Variants in CPNE4 observed in about 807,000 individuals in gnomAD.
CPNE4 encodes the protein copine 4.
In CPNE4, 25 loss-of-function variants were observed where a neutral mutation model predicts 67.9. The ratio of observed to expected loss-of-function variants is 0.37; its 90% CI spans 0.27 to 0.51. CPNE4 has a LOEUF of 0.51. Ranked by LOEUF, CPNE4 falls within the 20% of genes least tolerant of loss-of-function variation. The pLI is 0.93. For synonymous variants in CPNE4, 242 were observed against 244.9 expected, an observed-to-expected ratio of 0.99 and a Z score of 0.11; for missense variants, 464 against 690.8, an observed-to-expected ratio of 0.67 and a Z score of 3.68.
chr3:131,596,844 G>A (rs555000774), intron 7 of CPNE4, among the ~76,000 whole-genome samples: 1 of 152,132 alleles, frequency 6.6e-6, no homozygotes, highest in South Asian at 2.1e-4. Context: ...TGCCTAGCCA[G>A]CCCCCAACAA....
At chr3:131,656,372 T>C (rs1026246180) in intron 7 of CPNE4, among the ~76,000 whole-genome samples, 1 of 152,196 alleles carries the variant, frequency 6.6e-6, no homozygotes, top group Non-Finnish European at 1.5e-5. Context: ...AACATTAACC[T>C]AATTAACCTA....
chr3:131,622,682 T>C (rs997474883), intron 7 of CPNE4, among the ~76,000 whole-genome samples: 11 of 152,174 alleles, frequency 7.2e-5, no homozygotes, highest in Admixed American at 7.2e-4. Flanking sequence ...GGCTTCTATG[T>C]ATATGCACAG....
chr3:131,747,802 G>T (rs1178713784), intron 2 of CPNE4, among the ~76,000 whole-genome samples: 1 of 152,062 alleles, frequency 6.6e-6, no homozygotes, highest in Non-Finnish European at 1.5e-5. Context: ...ATGTAAATAG[G>T]AACAGTTTTA....
At chr3:131,622,432 G>GT (rs1323245067) in intron 7 of CPNE4, among the ~76,000 whole-genome samples, 2 of 152,178 alleles carry the variant, frequency 1.3e-5, no homozygotes, top group Non-Finnish European at 2.9e-5. Flanking sequence ...AACATATTGT[G>GT]AATCCTATCC....
intron 1 of CPNE4, among the ~76,000 whole-genome samples, chr3:131,985,407 A>T (rs778602770): frequency 6.6e-6 from 1 of 152,298 alleles, no homozygotes; most frequent in East Asian, 1.9e-4. Context: ...ACTATGCATC[A>T]TGTTAGAAGC....
chr3:131,727,468 A>G (rs368344542), intron 2 of CPNE4, among the ~76,000 whole-genome samples: 29 of 132,556 alleles, frequency 2.2e-4, no homozygotes, highest in African/African-American at 6.0e-4. Flanking sequence ...CCGTCTCAAA[A>G]AAAAGAAAAA....
intron 2 of CPNE4, among the ~76,000 whole-genome samples, chr3:131,860,866 T>C (rs1470369219): frequency 6.6e-6 from 1 of 152,214 alleles, no homozygotes; most frequent in East Asian, 1.9e-4. Flanking sequence ...CATAAATACC[T>C]GATTTGTGAG....
At chr3:131,853,883 A>T (rs1345464511) in intron 2 of CPNE4, among the ~76,000 whole-genome samples, 1 of 151,900 alleles carries the variant, frequency 6.6e-6, no homozygotes, top group Non-Finnish European at 1.5e-5. Flanking sequence ...AAACACTGAC[A>T]ATATCAAATG....
At position 131,993,637 on chromosome 3, in the gene CPNE4, C is replaced by A. The variant is rs2073225179; in HGVS notation, c.-2+40930G>T. On this transcript the variant is annotated intron_variant, in intron 1 of 15. Transcript: ENST00000429747. ...AGATGAGCTCTAGAAAGTTTTCTAACCCACAGGAAAAATTCTCTTTTGCAC... is the reference window on the plus strand; with the variant it reads ...AGATGAGCTCTAGAAAGTTTTCTAAACCACAGGAAAAATTCTCTTTTGCAC... Among the ~76,000 whole-genome samples, 12 of 134,760 alleles carry A rather than the reference C, an allele frequency of 8.9e-5. 2 individuals are homozygous for A. The Admixed American group carries it at 1.0e-3, about 11-fold the overall frequency. 88.4% of individuals were successfully genotyped at this position (134,760 alleles called of 152,430 possible). A position where few individuals can be genotyped will look rare whatever the true frequency, so the allele number is the denominator to read the frequency against.
At chr3:131,999,240 G>GAAAAAAAAAAAAAAA (rs2073366807) in intron 1 of CPNE4, among the ~76,000 whole-genome samples, 1 of 10,354 alleles carries the variant, frequency 9.7e-5, no homozygotes, top group Non-Finnish European at 2.4e-4. Flanking sequence ...TTTATCCAAG[G>GAAAAAAAAAAAAAAA]TAAAAAAAAA....
At chr3:131,709,853 C>T (rs1482155234) in intron 3 of CPNE4, among the ~76,000 whole-genome samples, 1 of 152,240 alleles carries the variant, frequency 6.6e-6, no homozygotes, top group African/African-American at 2.4e-5. Context: ...GATGTCTTTA[C>T]ATGGCTCATG....
intron 1 of CPNE4, among the ~76,000 whole-genome samples, chr3:131,933,069 G>A (rs376714190): frequency 2.3e-4 from 35 of 152,156 alleles, no homozygotes; most frequent in African/African-American, 7.0e-4. Flanking sequence ...CTGAGAACAG[G>A]AGGAATGTGA....
intron 1 of CPNE4, among the ~76,000 whole-genome samples, chr3:131,986,928 A>G (rs1227691809): frequency 6.6e-6 from 1 of 151,900 alleles, no homozygotes; most frequent in Non-Finnish European, 1.5e-5. Flanking sequence ...TTTCAGCTGC[A>G]TATTACAATC....
At chr3:131,811,795 G>A (rs988126363) in intron 2 of CPNE4, among the ~76,000 whole-genome samples, 7 of 152,132 alleles carry the variant, frequency 4.6e-5, no homozygotes, top group African/African-American at 1.7e-4. Flanking sequence ...GTCAGGCACT[G>A]TGTTAAGGAG....
At chr3:131,569,976 T>TTA (rs1252353354) in intron 10 of CPNE4, among the ~76,000 whole-genome samples, 1 of 151,774 alleles carries the variant, frequency 6.6e-6, no homozygotes, top group African/African-American at 2.4e-5. Flanking sequence ...TCTAGGTATT[T>TTA]TATATATATA....
Position 131,564,207 on chromosome 3 carries a change from G to C in CPNE4, c.1061+9C>G. 6.2e-7 allele frequency: 1 copy of C among 1,612,524 alleles called. No homozygotes were observed. The highest frequency in any genetic ancestry group is 1.7e-4 in the Middle Eastern group (1 of 6,048). ...ATGATAAGGCTCCAAATGTCCTGAA[G>C]CCTCTTACCTGTCATAGTCTTGGCA... On this transcript the variant is annotated intron_variant, in intron 11 of 15. Coordinates refer to ENST00000429747, the MANE Select transcript of CPNE4 (RefSeq NM_130808.3).
intron 2 of CPNE4, among the ~76,000 whole-genome samples, chr3:131,838,912 A>G (rs551976946): frequency 1.4e-4 from 22 of 152,014 alleles, no homozygotes; most frequent in African/African-American, 4.6e-4. Flanking sequence ...TTTCTGAGTT[A>G]TAAGTTTTCT....
chr3:132,025,934 C>T lies in CPNE4; in HGVS notation c.-2+8633G>A, dbSNP rs1479233850. On this transcript the variant is annotated intron_variant, in intron 1 of 15. Transcript: ENST00000429747. ...TGAGGACTGTGATTTAAAGTCAATG[C>T]GTAAAGTACAACACACACGTAGTCA... 2.6e-5 allele frequency among the ~76,000 whole-genome samples: 4 copies of T among 152,196 alleles called. No individual in the cohort carries two copies. In the East Asian group the frequency reaches 7.7e-4, roughly 29 times the overall value.
chr3:131,794,774 G>C (rs751331454), intron 2 of CPNE4, among the ~76,000 whole-genome samples: 2 of 152,148 alleles, frequency 1.3e-5, no homozygotes, highest in Non-Finnish European at 2.9e-5. Context: ...GGTAGTTGAG[G>C]CTTGAGTACT....
Sources: gnomAD v4.1 joint callset for allele counts (sites outside exome capture counted in the v4.1 genomes callset) on GRCh38, gnomAD v4.1.1 for gene constraint, MANE v1.5 for transcripts, NCBI Gene and HGNC (gene_info 2026-07-23, HGNC 2026-07-21) for gene names.